The following RAB30 variants were observed in gnomAD, a reference collection of about 807,000 sequenced individuals.
RAB30 encodes ras-related protein Rab-30.
Under a neutral mutation model 25.1 loss-of-function variants are expected in RAB30, and 9 were observed. The ratio of observed to expected loss-of-function variants is 0.36; its 90% confidence interval spans 0.22 to 0.63. The LOEUF (loss-of-function observed/expected upper bound fraction) is 0.63, where lower values mean the gene tolerates loss of function less well. RAB30 is among the 20% of genes least tolerant of loss of function. The pLI, the probability that RAB30 is intolerant of heterozygous loss-of-function variation, is 0.69. For synonymous variants in RAB30, 77 were observed against 86.4 expected, an observed-to-expected ratio of 0.89 and a Z score of 0.60; for missense variants, 140 against 243.5, an observed-to-expected ratio of 0.58 and a Z score of 2.83.
At chr11:83,036,126 GC>G (rs1256078131) in intron 1 of RAB30, among the ~76,000 whole-genome samples, 1 of 151,322 alleles carries the variant, frequency 6.6e-6, no homozygotes, top group Non-Finnish European at 1.5e-5. Context: ...AGCATAATTT[GC>G]CCAAAGTCAC....
chr11:82,982,267 GAGTCGGCATGCTA>G lies in RAB30; in HGVS notation c.497_509del (p.Leu166SerfsTer11). 1 of 1,614,236 alleles carries G rather than the reference GAGTCGGCATGCTA, an allele frequency of 6.2e-7. No homozygotes were observed. The highest frequency in any genetic ancestry group is 8.5e-7 in the Non-Finnish European group (1 of 1,180,038). ...GTGTGTTCTGTCTGGCTTCACTGAT[GAGTCGGCATGCTA>G]AGTCAAGGAAGAGTTTCTCCACATT... is the stretch of plus-strand genomic sequence containing the variant. On this transcript the variant is annotated frameshift_variant, in exon 5 of 5. Coordinates refer to ENST00000527633, the MANE Select transcript of RAB30 (RefSeq NM_001286060.2). LOFTEE classifies it high-confidence loss of function.
chr11:83,034,618 GC>G (rs1421348109), intron 1 of RAB30: 1 of 152,140 alleles, frequency 6.6e-6, no homozygotes, highest in Non-Finnish European at 1.5e-5. Context: ...AAAGCTCTCT[GC>G]CCACAGCTGC....
chr11:83,063,106 C>T (rs2121521251), intron 1 of RAB30, among the ~76,000 whole-genome samples: 1 of 152,118 alleles, frequency 6.6e-6, no homozygotes, highest in South Asian at 2.1e-4. Context: ...TAATTCATGG[C>T]TGCGATCCTC....
At chr11:83,033,055 C>CTTTTT (rs71463144) in intron 1 of RAB30, among the ~76,000 whole-genome samples, 11 of 77,866 alleles carry the variant, frequency 1.4e-4, no homozygotes, top group African/African-American at 2.0e-4. Flanking sequence ...GCCTCAAATT[C>CTTTTT]TTTTTTTTTT....
rs1445840135 is a variant in RAB30 at position 82,981,429 on chromosome 11, G to A, written c.*736C>T. ...TAAAAAGGTAGTAATGAGACTTTGA[G>A]AAAGAGTGCTGATTCATGGACTTCC... On this transcript the variant is annotated 3_prime_UTR_variant, in exon 5 of 5. Transcript: ENST00000527633. 1 of 152,588 alleles carries A rather than the reference G, an allele frequency of 6.6e-6. No individual in the cohort carries two copies. The highest frequency in any genetic ancestry group is 1.9e-4 in the East Asian group (1 of 5,196). 9.5% of individuals were successfully genotyped at this position (152,588 alleles called of 1,614,324 possible). A position where few individuals can be genotyped will look rare whatever the true frequency, so the allele number is the denominator to read the frequency against.
rs759384157 is a variant in RAB30, at chr11:82,998,303, CTG to C, written c.-8-981_-8-980del. ...AGTTTCTCCAACTGCGCTAGAAAGA[CTG>C]TGACTAAAAGGGCATACTAAAAGAA... On this transcript the variant is annotated intron_variant, in intron 1 of 4. Transcript: ENST00000527633. Among the ~76,000 whole-genome samples the C allele has an allele frequency of 1.1e-4, 16 of 152,160 alleles. No homozygotes were observed. The South Asian group carries it at 1.2e-3, about 12-fold the overall frequency.
intron 1 of RAB30, among the ~76,000 whole-genome samples, chr11:83,022,418 CAA>C (rs1388524811): frequency 6.6e-6 from 1 of 152,152 alleles, no homozygotes; most frequent in African/African-American, 2.4e-5. Flanking sequence ...CTCAGCTTCC[CAA>C]AGTGTTGGTA....
chr11:82,992,518 T>C (rs73508491), intron 3 of RAB30: 112 of 384,088 alleles, frequency 2.9e-4, no homozygotes, highest in African/African-American at 1.2e-3. Context: ...GGAGCTTCTC[T>C]GCTCTTCCCA....
rs2121415175 is a variant in RAB30, at chr11:82,974,919, A to G, written c.*7246T>C. The G allele has an allele frequency of 6.7e-6, 1 of 149,210 alleles. No homozygotes were observed. The highest frequency in any genetic ancestry group is 6.7e-5 in the Admixed American group (1 of 14,972). The allele number at this position is 149,210 out of a possible 1,614,324, so 9.2% of individuals were successfully genotyped here. A position where few individuals can be genotyped will look rare whatever the true frequency, so the allele number is the denominator to read the frequency against. On this transcript the variant is annotated 3_prime_UTR_variant, in exon 5 of 5. Coordinates refer to ENST00000527633, the MANE Select transcript of RAB30 (RefSeq NM_001286060.2). ...TCTTTTTACTCCTGTATTATCTGAA[A>G]TTTTGAGCAGAGTTTGTTGTTTTTT...
chr11:83,065,798 T>C (rs1411543781), intron 1 of RAB30, among the ~76,000 whole-genome samples: 1 of 152,174 alleles, frequency 6.6e-6, no homozygotes, highest in Non-Finnish European at 1.5e-5. Flanking sequence ...TTAAAACACA[T>C]GATCTCATCA....
chr11:82,988,075 A>G (rs1590835582), intron 3 of RAB30, among the ~76,000 whole-genome samples: 1 of 152,062 alleles, frequency 6.6e-6, no homozygotes, highest in Admixed American at 6.6e-5. Context: ...TTCGTCAAGC[A>G]TTTATTATGT....
chr11:83,060,172 A>C (rs1002476158), intron 1 of RAB30: 3 of 152,010 alleles, frequency 2.0e-5, no homozygotes, highest in Non-Finnish European at 4.4e-5. Context: ...ACTGCACTCC[A>C]TCCAACCTGG....
intron 1 of RAB30, among the ~76,000 whole-genome samples, chr11:83,007,499 C>T (rs1857209458): frequency 6.6e-6 from 1 of 152,014 alleles, no homozygotes; most frequent in African/African-American, 2.4e-5. Context: ...TTTGGGATTC[C>T]AAACATGAGA....
At position 82,979,313 on chromosome 11, in the gene RAB30, C is replaced by T. The variant is rs536738976; in HGVS notation, c.*2852G>A. 2.0e-5 allele frequency: 3 copies of T among 152,252 alleles called. No individual in the cohort carries two copies. In the South Asian group the frequency reaches 6.2e-4, roughly 32 times the overall value. The allele number at this position is 152,252 out of a possible 1,614,324, so 9.4% of individuals were successfully genotyped here. On this transcript the variant is annotated 3_prime_UTR_variant, in exon 5 of 5. Coordinates refer to ENST00000527633, the MANE Select transcript of RAB30 (RefSeq NM_001286060.2). ...CTTTATTGAATGAAGAAAAAGATCA[C>T]ACCAAAAATGGAGGAATACATCAAC...
At chr11:83,048,037 A>C (rs1031588035) in intron 1 of RAB30, among the ~76,000 whole-genome samples, 13 of 152,162 alleles carry the variant, frequency 8.5e-5, no homozygotes, top group Non-Finnish European at 1.5e-4. Context: ...TGAGGCCAGG[A>C]GTTTGAGATT....
At position 83,017,207 on chromosome 11, in the gene RAB30, C is replaced by T. The variant is rs142989344; in HGVS notation, c.-8-19883G>A. ...TACAAAAATTAGCTGGGCATGTTGG[C>T]GTGCTCCTGTAGTCCCAGCTACTAG... On this transcript the variant is annotated intron_variant, in intron 1 of 4. Transcript: ENST00000527633. Among the ~76,000 whole-genome samples the T allele has an allele frequency of 3.9e-3, 587 of 152,084 alleles. 5 individuals carry two copies. Among genetic ancestry groups the T allele is most frequent in the African/African-American group, 0.013 (558 of 41,474 alleles).
intron 1 of RAB30, among the ~76,000 whole-genome samples, chr11:83,012,174 G>A (rs1213862614): frequency 6.6e-6 from 1 of 152,190 alleles, no homozygotes; most frequent in Non-Finnish European, 1.5e-5. Context: ...GTGTTGGACT[G>A]CCTAAGATGT....
chr11:83,048,468 C>CAAA (rs10650991), intron 1 of RAB30, among the ~76,000 whole-genome samples: 18 of 119,556 alleles, frequency 1.5e-4, no homozygotes, highest in African/African-American at 4.9e-4. Flanking sequence ...GACACTGTCT[C>CAAA]AAAAAAAAAA....
chr11:83,015,496 T>C (rs1857416132), intron 1 of RAB30, among the ~76,000 whole-genome samples: 1 of 152,184 alleles, frequency 6.6e-6, no homozygotes, highest in African/African-American at 2.4e-5. Context: ...TGGAGCTGAA[T>C]CAAGAGTCCT....
Sources: gnomAD v4.1 joint callset for allele counts (sites outside exome capture counted in the v4.1 genomes callset) on GRCh38, gnomAD v4.1.1 for gene constraint, MANE v1.5 for transcripts, NCBI Gene and HGNC (gene_info 2026-07-23, HGNC 2026-07-21) for gene names.